Variants in GFRA1 observed in about 807,000 individuals in gnomAD.
GFRA1 encodes the protein GDNF family receptor alpha 1.
Under a neutral mutation model 51.6 loss-of-function variants are expected in GFRA1, and 16 were observed. The observed-to-expected ratio is 0.31, with a 90% CI of 0.21 to 0.47. GFRA1 has a LOEUF of 0.47. Among genes scored for constraint, GFRA1 ranks in the 20% least tolerant of loss-of-function variants. GFRA1 has a pLI of 1.00. For missense variants in GFRA1, 530 were observed against 594.3 expected (o/e 0.89, Z 1.13); for synonymous variants, 270 against 241.3 (o/e 1.12, Z -1.10).
intron 8 of GFRA1, among the ~76,000 whole-genome samples, chr10:116,090,677 G>A (rs183937788): frequency 6.6e-6 from 1 of 151,842 alleles, no homozygotes; most frequent in Non-Finnish European, 1.5e-5. Flanking sequence ...TCCCCAAAAT[G>A]AATAAAAAAC....
chr10:116,099,031 C>A lies in GFRA1; in HGVS notation c.771-2267G>T, dbSNP rs1441651145. On this transcript the variant is annotated intron_variant, in intron 6 of 10. Transcript: ENST00000355422. Reference sequence around the variant, plus strand: ...GTGAGCACATGAGGCACTGTTAAAACACTAACATTTCCACGTTTTATCACA... The same window carrying A: ...GTGAGCACATGAGGCACTGTTAAAAAACTAACATTTCCACGTTTTATCACA... 1.3e-5 allele frequency among the ~76,000 whole-genome samples: 2 copies of A among 152,210 alleles called. 1 individual carries two copies. Among genetic ancestry groups the A allele is most frequent in the Admixed American group, 1.3e-4 (2 of 15,286 alleles).
chr10:116,131,221 T>C (rs1958089982), intron 5 of GFRA1, among the ~76,000 whole-genome samples: 1 of 152,168 alleles, frequency 6.6e-6, no homozygotes, highest in Non-Finnish European at 1.5e-5. Context: ...TGAGATACAC[T>C]CTACACTCAC....
At chr10:116,092,095 G>GCACACACA (rs1555147064) in intron 8 of GFRA1, among the ~76,000 whole-genome samples, 1 of 36,090 alleles carries the variant, frequency 2.8e-5, no homozygotes, top group Admixed American at 2.4e-4. Context: ...ACATACATAC[G>GCACACACA]TACACACACA....
chr10:116,146,480 T>C (rs532041520), intron 5 of GFRA1, among the ~76,000 whole-genome samples: 32 of 152,336 alleles, frequency 2.1e-4, no homozygotes, highest in African/African-American at 7.0e-4. Flanking sequence ...AAACTCTGCT[T>C]CTCAAGCATC....
At chr10:116,262,873 G>A (rs1471173560) in intron 4 of GFRA1, among the ~76,000 whole-genome samples, 1 of 152,124 alleles carries the variant, frequency 6.6e-6, no homozygotes, top group Non-Finnish European at 1.5e-5. Flanking sequence ...TATGGGGAGA[G>A]GTTAGAGGAA....
chr10:116,242,797 A>G (rs556952505), intron 4 of GFRA1, among the ~76,000 whole-genome samples: 2 of 152,312 alleles, frequency 1.3e-5, no homozygotes, highest in East Asian at 3.9e-4. Context: ...AGAATTTTTA[A>G]TAACAGAGTC....
At chr10:116,111,994 C>T (rs955651505) in intron 6 of GFRA1, among the ~76,000 whole-genome samples, 1 of 152,214 alleles carries the variant, frequency 6.6e-6, no homozygotes, top group African/African-American at 2.4e-5. Context: ...ACCTGGAAGT[C>T]TGGTCCTACT....
chr10:116,165,548 G>A (rs1960289368), intron 5 of GFRA1, among the ~76,000 whole-genome samples: 1 of 152,094 alleles, frequency 6.6e-6, no homozygotes, highest in African/African-American at 2.4e-5. Flanking sequence ...GTGAATTGCT[G>A]TTACTCTCCA....
At chr10:116,117,989 G>A (rs1957497070) in intron 6 of GFRA1, among the ~76,000 whole-genome samples, 1 of 151,922 alleles carries the variant, frequency 6.6e-6, no homozygotes, top group African/African-American at 2.4e-5. Context: ...CACACACCTG[G>A]TGCTCCCGAG....
At chr10:116,065,551 C>G in intron 10 of GFRA1, 22 bp downstream of exon 10, 1 of 1,595,836 alleles carries the variant, frequency 6.3e-7, no homozygotes, top group Non-Finnish European at 8.6e-7. Flanking sequence ...ATGCACGAAG[C>G]CTCCAAAAGA....
chr10:116,114,798 G>A (rs1957347896), intron 6 of GFRA1, among the ~76,000 whole-genome samples: 1 of 152,184 alleles, frequency 6.6e-6, no homozygotes, highest in Non-Finnish European at 1.5e-5. Flanking sequence ...AAAAGTGAAA[G>A]AGAAAGAAGG....
intron 5 of GFRA1, 21 bp downstream of exon 5, chr10:116,211,610 G>C: frequency 6.5e-7 from 1 of 1,547,938 alleles, no homozygotes; most frequent in Non-Finnish European, 8.7e-7. Context: ...TGAAAAAGCA[G>C]GCAGGAAACA....
intron 4 of GFRA1, among the ~76,000 whole-genome samples, chr10:116,249,748 C>A (rs915911237): frequency 3.3e-5 from 5 of 152,138 alleles, no homozygotes; most frequent in African/African-American, 7.2e-5. Context: ...CTACTCAGCA[C>A]CTACTACATA....
At chr10:116,200,202 T>C (rs769896123) in intron 5 of GFRA1, among the ~76,000 whole-genome samples, 2 of 152,236 alleles carry the variant, frequency 1.3e-5, no homozygotes, top group Non-Finnish European at 2.9e-5. Flanking sequence ...CTTAGACACA[T>C]GCTTTCATTT....
intron 4 of GFRA1, among the ~76,000 whole-genome samples, chr10:116,228,713 T>C (rs1208162123): frequency 6.6e-6 from 1 of 151,650 alleles, no homozygotes; most frequent in Non-Finnish European, 1.5e-5. Context: ...CCGGGCACGG[T>C]GGCTCACGCC....
At chr10:116,196,865 A>G (rs1963926366) in intron 5 of GFRA1, among the ~76,000 whole-genome samples, 1 of 140,962 alleles carries the variant, frequency 7.1e-6, no homozygotes, top group Non-Finnish European at 1.5e-5. Context: ...TCCCTCCCAC[A>G]GTTCTGGAGT....
At chr10:116,241,025 C>T (rs117716848) in intron 4 of GFRA1, among the ~76,000 whole-genome samples, 5 of 152,122 alleles carry the variant, frequency 3.3e-5, no homozygotes, top group Non-Finnish European at 7.3e-5. Flanking sequence ...AAGCTCTCAA[C>T]CAATGTACTA....
Position 116,064,377 on chromosome 10 carries a change from T to G in GFRA1, c.*21A>C, listed in dbSNP as rs1158379104. The G allele has an allele frequency of 6.2e-7, 1 of 1,605,482 alleles. No individual in the cohort carries two copies. Among genetic ancestry groups the G allele is most frequent in the Non-Finnish European group, 8.5e-7 (1 of 1,174,324 alleles). On this transcript the variant is annotated 3_prime_UTR_variant, in exon 11 of 11. Transcript: ENST00000355422. ...TGGTTTTTGTCTTTTTACATGTCCATATTGTATTTTTTTAATGCAGCTATG... is the reference window on the plus strand; with the variant it reads ...TGGTTTTTGTCTTTTTACATGTCCAGATTGTATTTTTTTAATGCAGCTATG...
rs530399969 is a variant in GFRA1 at position 116,166,780 on chromosome 10, C to CTT, written c.434-41225_434-41224dup. Among the ~76,000 whole-genome samples the CTT allele has an allele frequency of 6.2e-3, 473 of 76,454 alleles. 8 individuals carry two copies. Among genetic ancestry groups the CTT allele is most frequent in the Non-Finnish European group, 7.7e-3 (337 of 43,656 alleles). 50.2% of individuals were successfully genotyped at this position (76,454 alleles called of 152,430 possible). The stretch of plus-strand genomic sequence containing the variant: ...TCCCTTGAAGGATAGCAACAATCTT[C>CTT]TTTTTTTTTTTTTTTTTTTTTTTTT... On this transcript the variant is annotated intron_variant, in intron 5 of 10. Coordinates refer to ENST00000355422, the MANE Select transcript of GFRA1 (RefSeq NM_005264.8).
Sources: gnomAD v4.1 joint callset for allele counts (sites outside exome capture counted in the v4.1 genomes callset) on GRCh38, gnomAD v4.1.1 for gene constraint, MANE v1.5 for transcripts, NCBI Gene and HGNC (gene_info 2026-07-23, HGNC 2026-07-21) for gene names.